ATG7: variants seen among roughly 807,000 people sequenced by gnomAD.
ATG7 encodes autophagy related 7.
Under a neutral mutation model 82.4 loss-of-function variants are expected in ATG7, and 70 were observed. That is an observed-to-expected ratio of 0.85 (90% CI 0.70 to 1.04). The LOEUF is 1.04. Among genes scored for constraint, ATG7 ranks in the 50% least tolerant of loss-of-function variants. ATG7 has a pLI of 0.00. For missense variants in ATG7, 792 were observed against 864.3 expected, an observed-to-expected ratio of 0.92 and a Z score of 1.05; for synonymous variants, 287 against 313.0, an observed-to-expected ratio of 0.92 and a Z score of 0.88.
chr3:11,482,614 C>T (rs1430942224), intron 20 of ATG7, among the ~76,000 whole-genome samples: 1 of 152,016 alleles, frequency 6.6e-6, no homozygotes, highest in African/African-American at 2.4e-5. Flanking sequence ...GACTAGAGTA[C>T]TTTGATAGGT....
At chr3:11,511,742 A>T (rs2442796) in intron 20 of ATG7, among the ~76,000 whole-genome samples, 51 of 152,198 alleles carry the variant, frequency 3.4e-4, no homozygotes, top group African/African-American at 7.9e-4. Context: ...CCCTGCCCCG[A>T]GGGAAGGCAG....
intron 20 of ATG7, among the ~76,000 whole-genome samples, chr3:11,473,204 C>G (rs1227024149): frequency 6.6e-6 from 1 of 152,118 alleles, no homozygotes; most frequent in Non-Finnish European, 1.5e-5. Flanking sequence ...CCATTGATAG[C>G]TTTTTTCCTG....
At chr3:11,544,961 C>T (rs2443702) in intron 20 of ATG7, among the ~76,000 whole-genome samples, 27,219 of 152,054 alleles carry the variant, frequency 0.18, 2,733 homozygotes, top group Middle Eastern at 0.25. Context: ...ATGGTGGGGT[C>T]GCAGGAGGAA....
chr3:11,436,027 G>A (rs908898258), intron 20 of ATG7, among the ~76,000 whole-genome samples: 1 of 152,070 alleles, frequency 6.6e-6, no homozygotes, highest in Admixed American at 6.6e-5. Flanking sequence ...TTGAGCCCAG[G>A]AGCTGGAGAC....
At chr3:11,427,741 G>C (rs1325688559) in intron 20 of ATG7, among the ~76,000 whole-genome samples, 2 of 151,538 alleles carry the variant, frequency 1.3e-5, no homozygotes, top group Non-Finnish European at 2.9e-5. Flanking sequence ...CTTGAATCCT[G>C]GAGGCAGAGG....
At chr3:11,489,089 TTGG>T (rs2090082984) in intron 20 of ATG7, among the ~76,000 whole-genome samples, 1 of 152,220 alleles carries the variant, frequency 6.6e-6, no homozygotes, top group Admixed American at 6.5e-5. Flanking sequence ...GAGCCTGTTA[TTGG>T]TCTATTCAGA....
At chr3:11,460,968 C>T (rs2086247429) in intron 20 of ATG7, among the ~76,000 whole-genome samples, 1 of 152,160 alleles carries the variant, frequency 6.6e-6, no homozygotes, top group African/African-American at 2.4e-5. Context: ...CCTTCCTTTT[C>T]AGAATATATA....
chr3:11,455,702 T>A (rs1462515468), intron 20 of ATG7, among the ~76,000 whole-genome samples: 1 of 152,212 alleles, frequency 6.6e-6, no homozygotes, highest in Non-Finnish European at 1.5e-5. Flanking sequence ...TAGCCCGAGC[T>A]GGCCACAACT....
chr3:11,296,341 T>C (rs79585821), intron 3 of ATG7, among the ~76,000 whole-genome samples: 6,438 of 152,264 alleles, frequency 0.042, 160 homozygotes, highest in African/African-American at 0.065. Flanking sequence ...TCCTAGCCAT[T>C]TGTGGCTTGA....
chr3:11,304,965 A>G (rs994005058), intron 5 of ATG7, among the ~76,000 whole-genome samples: 3 of 152,090 alleles, frequency 2.0e-5, no homozygotes, highest in African/African-American at 7.2e-5. Flanking sequence ...GAACATTTCC[A>G]TCTCCCAAAA....
At chr3:11,343,539 G>A in intron 13 of ATG7, among the ~76,000 whole-genome samples, 1 of 151,862 alleles carries the variant, frequency 6.6e-6, no homozygotes, top group Non-Finnish European at 1.5e-5. Context: ...TTTATCTAAG[G>A]TGTCTTTAGC....
chr3:11,436,004 G>T (rs748770001), intron 20 of ATG7, among the ~76,000 whole-genome samples: 7 of 152,162 alleles, frequency 4.6e-5, no homozygotes, highest in Non-Finnish European at 1.0e-4. Context: ...GGAGGCTGGG[G>T]TGAGTGTATC....
chr3:11,285,898 C>A (rs558824357), intron 3 of ATG7, among the ~76,000 whole-genome samples: 1 of 152,344 alleles, frequency 6.6e-6, no homozygotes, highest in South Asian at 2.1e-4. Flanking sequence ...AGTGGAGCAT[C>A]ATCCCAGGAT....
chr3:11,416,200 A>C (rs1288601474), intron 19 of ATG7, among the ~76,000 whole-genome samples: 1 of 152,202 alleles, frequency 6.6e-6, no homozygotes, highest in African/African-American at 2.4e-5. Flanking sequence ...CTTTGGTATT[A>C]GGGTGATGCT....
chr3:11,515,913 G>A (rs1162498922), intron 20 of ATG7, among the ~76,000 whole-genome samples: 4 of 151,982 alleles, frequency 2.6e-5, no homozygotes, highest in African/African-American at 7.3e-5. Flanking sequence ...TGCTGGCCAC[G>A]GGAAGTCTCA....
In ATG7 at chr3:11,557,303, C is replaced by T. The variant is rs1032358655; in HGVS notation, c.*2460C>T. ...TGTATACTGCCTTGGCCCCAGCGTA[C>T]GAGGAAGCGTATAAAACACCATATC... On this transcript the variant is annotated 3_prime_UTR_variant, in exon 21 of 21. Transcript: ENST00000693202. 4 of 152,402 alleles carry T rather than the reference C, an allele frequency of 2.6e-5. No homozygotes were observed. The highest frequency in any genetic ancestry group is 1.9e-4 in the East Asian group (1 of 5,342). The allele number at this position is 152,402 out of a possible 1,614,324, so 9.4% of individuals were successfully genotyped here. A position where few individuals can be genotyped will look rare whatever the true frequency, so the allele number is the denominator to read the frequency against.
chr3:11,573,316 GAAGAAAGAAAGAAAGAAAGAAAGAAAGA>G, the ATG7 span, among the ~76,000 whole-genome samples: 254 of 20,732 alleles, frequency 0.012, 9 homozygotes, highest in East Asian at 0.064. Flanking sequence ...AGGAAGGAAG[GAAGAAAGAAAGAAAGAAAGAAAGAAAGA>G]AAGAAAGAAA....
chr3:11,527,161 G>A (rs919975850), intron 20 of ATG7, among the ~76,000 whole-genome samples: 1 of 151,304 alleles, frequency 6.6e-6, no homozygotes, highest in African/African-American at 2.4e-5. Flanking sequence ...CTGGAGTACA[G>A]TAGCACGCTC....
Position 11,555,229 on chromosome 3 carries a change from A to C in ATG7, c.*386A>C, listed in dbSNP as rs2072289908. ...AGCTCCTGCCCAGAGCCACTGCGGG[A>C]GGTGGCACCCTCATCCCCGGAATGT... On this transcript the variant is annotated 3_prime_UTR_variant, in exon 21 of 21. Transcript: ENST00000693202. 1 of 205,532 alleles carries C rather than the reference A, an allele frequency of 4.9e-6. No individual in the cohort carries two copies. The highest frequency in any genetic ancestry group is 6.0e-5 in the Admixed American group (1 of 16,702). 12.7% of individuals were successfully genotyped at this position (205,532 alleles called of 1,614,324 possible). A position where few individuals can be genotyped will look rare whatever the true frequency, so the allele number is the denominator to read the frequency against.
Sources: allele counts gnomAD v4.1 joint callset (sites outside exome capture counted in the v4.1 genomes callset), GRCh38; gene constraint gnomAD v4.1.1; transcripts MANE v1.5; gene names NCBI Gene and HGNC (gene_info 2026-07-23, HGNC 2026-07-21).